Variants in CCDC73 observed in about 807,000 individuals in gnomAD.
CCDC73 encodes the protein coiled-coil domain containing 73.
A neutral mutation model predicts 116.5 loss-of-function variants in CCDC73; 95 were observed. That is an observed-to-expected ratio of 0.82 (90% confidence interval 0.69 to 0.97). The LOEUF (loss-of-function observed/expected upper bound fraction) is 0.97, where lower values mean the gene tolerates loss of function less well. Ranked by LOEUF, CCDC73 falls within the 50% of genes least tolerant of loss-of-function variation. CCDC73 has a pLI of 0.00. For synonymous variants in CCDC73, 398 were observed against 401.3 expected, an observed-to-expected ratio of 0.99 and a Z score of 0.10; for missense variants, 1,066 against 1,206.8, an observed-to-expected ratio of 0.88 and a Z score of 1.73.
At chr11:32,706,457 A>G (rs1226325805) in intron 3 of CCDC73, among the ~76,000 whole-genome samples, 1 of 152,202 alleles carries the variant, frequency 6.6e-6, no homozygotes, top group Non-Finnish European at 1.5e-5. Flanking sequence ...AAATGTTCCC[A>G]CTGCGGTCAT....
At chr11:32,613,285 C>A in intron 16 of CCDC73, 137 bp downstream of exon 16, 1 of 740,090 alleles carries the variant, frequency 1.4e-6, no homozygotes. Context: ...AAGTTAAAAA[C>A]AAAAGAATAT....
intron 1 of CCDC73, among the ~76,000 whole-genome samples, chr11:32,782,872 T>G (rs1850595615): frequency 6.6e-6 from 1 of 151,710 alleles, no homozygotes; most frequent in Non-Finnish European, 1.5e-5. Flanking sequence ...GTTAAAGAAG[T>G]CTTGCAAAAA....
chr11:32,672,208 G>A lies in CCDC73; in HGVS notation c.645+3357C>T, dbSNP rs192718314. ...AATACAAAAATTAGCTAGGCATGGT[G>A]GTGCATGCCTGTAGTCCCAGCTACT... is the stretch of plus-strand genomic sequence containing the variant. On this transcript the variant is annotated intron_variant, in intron 9 of 17. Transcript: ENST00000335185. Among the ~76,000 whole-genome samples, 811 of 152,222 alleles carry A rather than the reference G, an allele frequency of 5.3e-3. 3 individuals carry two copies. The highest frequency in any genetic ancestry group is 8.5e-3 in the Non-Finnish European group (581 of 68,006).
intron 9 of CCDC73, among the ~76,000 whole-genome samples, chr11:32,660,528 A>G (rs757840323): frequency 1.3e-5 from 2 of 152,168 alleles, no homozygotes; most frequent in Non-Finnish European, 2.9e-5. Flanking sequence ...TATTTATATT[A>G]CAAATGAGAA....
In CCDC73 at chr11:32,755,777, A is replaced by G. The variant is rs1328207794; in HGVS notation, c.135+4332T>C. 4.8e-4 allele frequency among the ~76,000 whole-genome samples: 56 copies of G among 116,454 alleles called. 1 individual carries two copies. The highest frequency in any genetic ancestry group is 1.6e-3 in the African/African-American group (43 of 26,500). 76.4% of individuals were successfully genotyped at this position (116,454 alleles called of 152,430 possible). On this transcript the variant is annotated intron_variant, in intron 2 of 17. Coordinates refer to ENST00000335185, the MANE Select transcript of CCDC73 (RefSeq NM_001008391.4). ...TATATATATCTCCATATATATGTGT[A>G]TATATATATATCTCCATATATGTGT...
chr11:32,760,292 T>A (rs1266336604), intron 1 of CCDC73, 34 bp from the exon 2 acceptor site: 3 of 1,000,142 alleles, frequency 3.0e-6, no homozygotes, highest in Non-Finnish European at 4.4e-6. Flanking sequence ...TGAAAAAAAA[T>A]TATCTAGGTT....
chr11:32,689,920 G>A (rs548188901), intron 6 of CCDC73, among the ~76,000 whole-genome samples: 227 of 152,210 alleles, frequency 1.5e-3, no homozygotes, highest in Admixed American at 2.6e-3. Flanking sequence ...GCATGAACCC[G>A]GGAGGCGGAG....
At chr11:32,624,176 CAA>C (rs35801105) in intron 14 of CCDC73, among the ~76,000 whole-genome samples, 2,797 of 141,172 alleles carry the variant, frequency 0.02, 49 homozygotes, top group Non-Finnish European at 0.03. Flanking sequence ...TACTAAAATA[CAA>C]AAAAAAAAAA....
chr11:32,611,105 G>A (rs900845002), intron 17 of CCDC73, 27 bp downstream of exon 17: 1 of 1,611,320 alleles, frequency 6.2e-7, no homozygotes, highest in African/African-American at 1.3e-5. Flanking sequence ...ACTAAGGTCT[G>A]CTCGGCAATA....
chr11:32,613,280 A>T, intron 16 of CCDC73, 142 bp downstream of exon 16: 1 of 720,942 alleles, frequency 1.4e-6, no homozygotes, highest in Non-Finnish European at 2.2e-6. Flanking sequence ...TCTAAAAGTT[A>T]AAAACAAAAG....
At chr11:32,772,926 T>C (rs1280838020) in intron 1 of CCDC73, among the ~76,000 whole-genome samples, 1 of 152,182 alleles carries the variant, frequency 6.6e-6, no homozygotes, top group African/African-American at 2.4e-5. Context: ...AGTTACCATA[T>C]GACTCAGCAA....
rs747492382 is a variant in CCDC73, at chr11:32,776,925, TA to T, written c.-15-16668del. Among the ~76,000 whole-genome samples the T allele has an allele frequency of 1.9e-3, 245 of 126,980 alleles. 2 individuals carry two copies. The highest frequency in any genetic ancestry group is 5.4e-3 in the African/African-American group (174 of 31,928). 83.3% of individuals were successfully genotyped at this position (126,980 alleles called of 152,430 possible). ...AGTATTTCTTCCTACAGAGTATGGTTAAAAAAAAAAAATATATATATATATA... is the reference window on the plus strand; with the variant it reads ...AGTATTTCTTCCTACAGAGTATGGTTAAAAAAAAAAATATATATATATATA... On this transcript the variant is annotated intron_variant, in intron 1 of 17. Coordinates refer to ENST00000335185, the MANE Select transcript of CCDC73 (RefSeq NM_001008391.4).
At chr11:32,775,770 C>T (rs1387064570) in intron 1 of CCDC73, among the ~76,000 whole-genome samples, 1 of 152,016 alleles carries the variant, frequency 6.6e-6, no homozygotes, top group Non-Finnish European at 1.5e-5. Flanking sequence ...CATGCTTTGC[C>T]CTTTTTGTAC....
the CCDC73 span, among the ~76,000 whole-genome samples, chr11:32,818,571 A>G: frequency 6.6e-6 from 1 of 152,226 alleles, no homozygotes; most frequent in African/African-American, 2.4e-5. Context: ...TGCTCAAGAA[A>G]ATGGAAAACA....
intron 7 of CCDC73, among the ~76,000 whole-genome samples, chr11:32,679,420 G>A (rs1335597511): frequency 1.3e-5 from 2 of 151,984 alleles, no homozygotes; most frequent in East Asian, 1.9e-4. Context: ...GTGGAGTGCT[G>A]TGGCACGATC....
chr11:32,808,543 G>A, the CCDC73 span, among the ~76,000 whole-genome samples: 1 of 152,162 alleles, frequency 6.6e-6, no homozygotes, highest in African/African-American at 2.4e-5. Context: ...GGAGGCTAAG[G>A]CAGGAGAATC....
rs1334718446 is a variant in CCDC73 at position 32,642,022 on chromosome 11, G to T, written c.1000C>A (p.Leu334Ile). The change falls in exon 13 of 18, where the codon CTT (leucine) becomes ATT (isoleucine). Residue 334 changes from leucine to isoleucine, a missense_variant. By Grantham distance (5) the Leu-to-Ile change is conservative (BLOSUM62 2). Transcript: ENST00000335185. ...TTTTCATGCTCATTTTGAAGATTAAGAAACTTTTCTTCATTTTCTTTTACC... is the reference window on the plus strand; with the variant it reads ...TTTTCATGCTCATTTTGAAGATTAATAAACTTTTCTTCATTTTCTTTTACC... ...EKVKENEEKF[L>I]NLQNEHEKAL... 6.4e-7 allele frequency: 1 copy of T among 1,566,234 alleles called. No homozygotes were observed. Among genetic ancestry groups the T allele is most frequent in the South Asian group, 1.2e-5 (1 of 81,918 alleles).
Position 32,702,919 on chromosome 11 carries a change from G to A in CCDC73, c.233C>T (p.Thr78Ile), listed in dbSNP as rs1291434521. The A allele has an allele frequency of 1.9e-6, 3 of 1,612,800 alleles. No homozygotes were observed. Among genetic ancestry groups the A allele is most frequent in the Non-Finnish European group, 2.5e-6 (3 of 1,178,980 alleles). The change falls in exon 4 of 18, where the codon ACA becomes ATA. Residue 78 changes from threonine (T) to isoleucine (I), a missense_variant. Coordinates refer to ENST00000335185, the MANE Select transcript of CCDC73 (RefSeq NM_001008391.4). Reference protein sequence around the residue: ...QKETLQNQKETLAEQHKEAMA... With the variant: ...QKETLQNQKEILAEQHKEAMA... ...TGCTTCCTTGTGTTGCTCTGCCAAT[G>A]TTTCCTTTTGATTCTGAAGAGTTTC... is the stretch of plus-strand genomic sequence containing the variant.
chr11:32,626,183 A>G (rs888371186), intron 14 of CCDC73, among the ~76,000 whole-genome samples: 12 of 152,214 alleles, frequency 7.9e-5, no homozygotes, highest in African/African-American at 2.9e-4. Flanking sequence ...TTATACACCA[A>G]TAACAGACAG....
Sources: allele counts gnomAD v4.1 joint callset (sites outside exome capture counted in the v4.1 genomes callset), GRCh38; gene constraint gnomAD v4.1.1; transcripts MANE v1.5; gene names NCBI Gene and HGNC (gene_info 2026-07-23, HGNC 2026-07-21).